The following TMEM117 variants were observed in gnomAD, a reference collection of about 807,000 sequenced individuals.
TMEM117 encodes the protein transmembrane protein 117.
Under a neutral mutation model 52.4 loss-of-function variants are expected in TMEM117, and 27 were observed. The ratio of observed to expected loss-of-function variants is 0.51; its 90% CI spans 0.38 to 0.71. The LOEUF (loss-of-function observed/expected upper bound fraction) is 0.71, where lower values mean the gene tolerates loss of function less well. Among genes scored for constraint, TMEM117 ranks in the 30% least tolerant of loss-of-function variants. TMEM117 has a pLI of 0.00. For missense variants in TMEM117, 556 were observed against 630.5 expected, an observed-to-expected ratio of 0.88 and a Z score of 1.26; for synonymous variants, 215 against 206.3, an observed-to-expected ratio of 1.04 and a Z score of -0.36.
intron 5 of TMEM117, among the ~76,000 whole-genome samples, chr12:44,282,685 C>T (rs1950592903): frequency 6.6e-6 from 1 of 152,206 alleles, no homozygotes; most frequent in Non-Finnish European, 1.5e-5. Context: ...GGAATATTTG[C>T]AGCCTGACTA....
rs1041744826 is a variant in TMEM117 at position 44,360,622 on chromosome 12, C to T, written c.769-15973C>T. On this transcript the variant is annotated intron_variant, in intron 6 of 7. Transcript: ENST00000266534. The stretch of plus-strand genomic sequence containing the variant: ...TACTGGCTTTTAAAAACATTTAAAA[C>T]ACATTAAAAACATATTGATGTGTAA... Among the ~76,000 whole-genome samples, 6 of 148,186 alleles carry T rather than the reference C, an allele frequency of 4.0e-5. No homozygotes were observed. The East Asian group carries it at 1.2e-3, about 29-fold the overall frequency.
intron 6 of TMEM117, among the ~76,000 whole-genome samples, chr12:44,369,005 TATC>T (rs1951827253): frequency 2.0e-5 from 3 of 152,116 alleles, no homozygotes; most frequent in Admixed American, 2.0e-4. Context: ...TAACTTTAGT[TATC>T]AGCAACTCTT....
chr12:44,009,425 ACTT>A (rs1946254547), intron 3 of TMEM117: 1 of 204,484 alleles, frequency 4.9e-6, no homozygotes, highest in Non-Finnish European at 1.0e-5. Context: ...ATACACAACC[ACTT>A]CTTCAAATGT....
At chr12:44,180,077 G>A (rs146945926) in intron 4 of TMEM117, among the ~76,000 whole-genome samples, 56 of 152,048 alleles carry the variant, frequency 3.7e-4, no homozygotes, top group African/African-American at 1.2e-3. Context: ...ATTCCAATGA[G>A]GAGCACTAAT....
chr12:44,180,850 T>G (rs1480412579), intron 4 of TMEM117, among the ~76,000 whole-genome samples: 1 of 152,068 alleles, frequency 6.6e-6, no homozygotes, highest in Non-Finnish European at 1.5e-5. Flanking sequence ...TGATTTATAG[T>G]CCTTTGGGTA....
At chr12:43,959,040 C>G (rs973213491) in intron 3 of TMEM117, among the ~76,000 whole-genome samples, 2 of 152,086 alleles carry the variant, frequency 1.3e-5, no homozygotes, top group African/African-American at 4.8e-5. Flanking sequence ...ATCTCCTGAC[C>G]TCGTGATCCG....
At chr12:43,858,463 C>T (rs1943435675) in intron 2 of TMEM117, among the ~76,000 whole-genome samples, 1 of 152,202 alleles carries the variant, frequency 6.6e-6, no homozygotes, top group African/African-American at 2.4e-5. Context: ...CATTTAGTCG[C>T]CCCCACAAGA....
chr12:44,162,193 T>C (rs1291280636), intron 4 of TMEM117, among the ~76,000 whole-genome samples: 1 of 152,198 alleles, frequency 6.6e-6, no homozygotes, highest in Non-Finnish European at 1.5e-5. Context: ...GGGCACTGTA[T>C]GTGGACAGAG....
the TMEM117 span, among the ~76,000 whole-genome samples, chr12:43,807,372 A>G: frequency 6.6e-6 from 1 of 152,200 alleles, no homozygotes; most frequent in Non-Finnish European, 1.5e-5. Flanking sequence ...GTTATGTTCT[A>G]TTGCCTGTTA....
At chr12:43,876,049 ATTC>A (rs971993586) in intron 2 of TMEM117, among the ~76,000 whole-genome samples, 1 of 152,188 alleles carries the variant, frequency 6.6e-6, no homozygotes, top group African/African-American at 2.4e-5. Context: ...GTATCTCAGA[ATTC>A]TTCTTCCTCT....
At chr12:43,893,374 A>C (rs1036817172) in intron 2 of TMEM117, among the ~76,000 whole-genome samples, 2 of 152,184 alleles carry the variant, frequency 1.3e-5, no homozygotes, top group African/African-American at 4.8e-5. Flanking sequence ...ATATTATGAC[A>C]CTTTAGTGCT....
chr12:43,852,080 C>T (rs1027778262), intron 2 of TMEM117, among the ~76,000 whole-genome samples: 3 of 150,804 alleles, frequency 2.0e-5, no homozygotes, highest in Non-Finnish European at 3.0e-5. Flanking sequence ...GGGCTGATCA[C>T]GAGGTCAAGA....
chr12:44,065,817 CTACAT>C (rs1400112368), intron 3 of TMEM117, among the ~76,000 whole-genome samples: 6 of 152,180 alleles, frequency 3.9e-5, no homozygotes, highest in Admixed American at 3.9e-4. Context: ...GGGTAGAGGG[CTACAT>C]TAAAGTTACC....
intron 6 of TMEM117, among the ~76,000 whole-genome samples, chr12:44,331,811 C>T (rs907390178): frequency 2.0e-5 from 3 of 152,006 alleles, no homozygotes; most frequent in African/African-American, 4.8e-5. Flanking sequence ...CGAATCCATG[C>T]CTGCTACTAG....
intron 3 of TMEM117, among the ~76,000 whole-genome samples, chr12:43,982,541 T>C (rs1033806071): frequency 6.6e-6 from 1 of 152,240 alleles, no homozygotes; most frequent in Non-Finnish European, 1.5e-5. Context: ...TTCTACATTA[T>C]GTAATTATTT....
chr12:43,888,742 G>T lies in TMEM117; in HGVS notation c.277+43814G>T, dbSNP rs188641269. 9.2e-3 allele frequency among the ~76,000 whole-genome samples: 1,395 copies of T among 151,874 alleles called. 20 individuals are homozygous for T. Among genetic ancestry groups the T allele is most frequent in the African/African-American group, 0.03 (1,260 of 41,394 alleles). On this transcript the variant is annotated intron_variant, in intron 2 of 7. Transcript: ENST00000266534. ...TTTTTGTATTTTTAGTAGAGACGGG[G>T]TTTCACCACGTTAGCCAGGATGGTC...
chr12:43,869,791 G>A lies in TMEM117; in HGVS notation c.277+24863G>A, dbSNP rs543314176. 2.0e-5 allele frequency among the ~76,000 whole-genome samples: 3 copies of A among 152,142 alleles called. No homozygotes were observed. The East Asian group carries it at 5.8e-4, about 29-fold the overall frequency. On this transcript the variant is annotated intron_variant, in intron 2 of 7. Coordinates refer to ENST00000266534, the MANE Select transcript of TMEM117 (RefSeq NM_032256.3). The stretch of plus-strand genomic sequence containing the variant: ...TTATTTTGAGTTCAGGTGTACATCT[G>A]CAGGATGTGCAGGTTGTTACATTGG...
intron 5 of TMEM117, among the ~76,000 whole-genome samples, chr12:44,249,324 C>T (rs1950169640): frequency 6.6e-6 from 1 of 152,046 alleles, no homozygotes; most frequent in African/African-American, 2.4e-5. Flanking sequence ...CAACTAGAAT[C>T]CATACAACGG....
intron 6 of TMEM117, among the ~76,000 whole-genome samples, chr12:44,310,789 A>G (rs1188447197): frequency 6.6e-6 from 1 of 152,206 alleles, no homozygotes; most frequent in Non-Finnish European, 1.5e-5. Flanking sequence ...TTGCAATCAT[A>G]GTTACCTGCA....
Sources: allele counts gnomAD v4.1 joint callset (sites outside exome capture counted in the v4.1 genomes callset), GRCh38; gene constraint gnomAD v4.1.1; transcripts MANE v1.5; gene names NCBI Gene and HGNC (gene_info 2026-07-23, HGNC 2026-07-21).